DDX60: variants seen among roughly 807,000 people sequenced by gnomAD.
The protein encoded by DDX60 is DExD/H-box helicase 60.
Under a neutral mutation model 212.8 loss-of-function variants are expected in DDX60, and 165 were observed. The observed-to-expected ratio is 0.78, with a 90% confidence interval of 0.68 to 0.88. DDX60 has a LOEUF of 0.88. Among genes scored for constraint, DDX60 ranks in the 40% least tolerant of loss-of-function variants. DDX60 has a pLI of 0.00. For missense variants in DDX60, 1,905 were observed against 2,003.9 expected (o/e 0.95, Z 0.94); for synonymous variants, 703 against 685.3 (o/e 1.03, Z -0.40).
intron 14 of DDX60, among the ~76,000 whole-genome samples, chr4:168,277,731 C>G (rs565056924): frequency 2.0e-5 from 3 of 150,336 alleles, no homozygotes; most frequent in Admixed American, 6.6e-5. Flanking sequence ...ATGGCGTGAA[C>G]CCAGGAGGCA....
chr4:168,232,385 G>T (rs762024497), intron 33 of DDX60, among the ~76,000 whole-genome samples: 23 of 151,722 alleles, frequency 1.5e-4, no homozygotes, highest in Non-Finnish European at 3.1e-4. Context: ...TGGAACCAAA[G>T]AAAAGCCCAT....
chr4:168,297,748 T>C (rs377704645), intron 6 of DDX60, among the ~76,000 whole-genome samples: 1 of 90,734 alleles, frequency 1.1e-5, no homozygotes, highest in Non-Finnish European at 2.2e-5. Context: ...TAATAAAAAT[T>C]AGCCAGGTGT....
rs765054044 is a variant in DDX60 at position 168,273,918 on chromosome 4, G to A, written c.2454+16C>T. The A allele has an allele frequency of 3.7e-6, 6 of 1,608,004 alleles. No individual in the cohort carries two copies. The East Asian group carries it at 1.1e-4, about 30-fold the overall frequency. On this transcript the variant is annotated intron_variant, in intron 17 of 37. Transcript: ENST00000393743. ...TTCAGGAATGAAAGAGAATATTATA[G>A]TCACTTGAGCACTACCTTTGTGGGT...
intron 33 of DDX60, among the ~76,000 whole-genome samples, chr4:168,233,343 C>T (rs534758129): frequency 6.6e-6 from 1 of 152,058 alleles, no homozygotes; most frequent in Non-Finnish European, 1.5e-5. Flanking sequence ...TTTGATCCAG[C>T]AATCCCACTA....
Position 168,284,930 on chromosome 4 carries a change from T to C in DDX60, c.1451A>G (p.Asp484Gly). The change falls in exon 12 of 38, where the codon GAT (aspartate) becomes GGT (glycine). Residue 484 changes from aspartate (D) to glycine (G), a missense_variant. Asp to Gly is a moderately conservative substitution (Grantham distance 94). Coordinates refer to ENST00000393743, the MANE Select transcript of DDX60 (RefSeq NM_017631.6). The part of the protein sequence containing the change: ...LKDLPFLKSD[D>G]PIVTSLVKQK... ...TTTAACCAGTGAAGTAACAATAGGA[T>C]CATCACTGTGAGACAAAAAAAGGCA... 3 of 1,546,970 alleles carry C rather than the reference T, an allele frequency of 1.9e-6. No individual in the cohort carries two copies. The highest frequency in any genetic ancestry group is 2.7e-6 in the Non-Finnish European group (3 of 1,131,790).
intron 26 of DDX60, among the ~76,000 whole-genome samples, chr4:168,255,498 C>T (rs942244044): frequency 2.0e-5 from 3 of 152,140 alleles, no homozygotes; most frequent in Admixed American, 1.3e-4. Context: ...CTCCCAAGTC[C>T]TAAATGAGGC....
chr4:168,289,582 C>G lies in DDX60; in HGVS notation c.1042-1267G>C, dbSNP rs546179842. On this transcript the variant is annotated intron_variant, in intron 8 of 37. Transcript: ENST00000393743. ...AACTTTTATCTCCAGCCCATTCCAC[C>G]CTTCTAAGTCCAAAACATTATTTCA... Among the ~76,000 whole-genome samples the G allele has an allele frequency of 7.9e-5, 12 of 152,246 alleles. 1 individual carries two copies. The highest frequency in any genetic ancestry group is 2.9e-4 in the African/African-American group (12 of 41,542).
intron 26 of DDX60, 44 bp from the exon 27 acceptor site, chr4:168,252,700 T>C (rs767563303): frequency 6.7e-7 from 1 of 1,487,434 alleles, no homozygotes; most frequent in Non-Finnish European, 9.2e-7. Context: ...TTGTAAATAA[T>C]GAATGAAGTA....
chr4:168,283,666 A>G lies in DDX60; in HGVS notation c.1562-60T>C. The G allele has an allele frequency of 3.2e-6, 4 of 1,245,538 alleles. No homozygotes were observed. In the South Asian group the frequency reaches 5.8e-5, roughly 18 times the overall value. The allele number at this position is 1,245,538 out of a possible 1,614,324, so 77.2% of individuals were successfully genotyped here. A position where few individuals can be genotyped will look rare whatever the true frequency, so the allele number is the denominator to read the frequency against. On this transcript the variant is annotated intron_variant, in intron 12 of 37. Coordinates refer to ENST00000393743, the MANE Select transcript of DDX60 (RefSeq NM_017631.6). ...GTAGTTTTTCAATAGCATTCTCATC[A>G]ATTCTTCATATTATTCCACATCCAG...
At chr4:168,232,983 T>C (rs889511383) in intron 33 of DDX60, among the ~76,000 whole-genome samples, 2 of 151,826 alleles carry the variant, frequency 1.3e-5, no homozygotes, top group Admixed American at 1.3e-4. Context: ...ATATTCAGAA[T>C]CTACAAAGAA....
Position 168,276,072 on chromosome 4 carries a change from G to A in DDX60, c.2088C>T (p.Ala696=), listed in dbSNP as rs1461441896. The A allele has an allele frequency of 2.5e-6, 4 of 1,613,604 alleles. No homozygotes were observed. The African/African-American group carries it at 5.3e-5, about 22-fold the overall frequency. The part of the protein sequence containing the change: ...LLQEDDRQLI[A]RCLKYLGFDE... ...CAAATCCTAAATACTTAAGGCATCT[G>A]GCTATGAGTTGCCGATCATCTTCTT... Residue 696 remains alanine, a synonymous_variant, in exon 15 of 38, where the codon GCC becomes GCT. Coordinates refer to ENST00000393743, the MANE Select transcript of DDX60 (RefSeq NM_017631.6).
rs897931394 is a variant in DDX60, at chr4:168,304,606, C to T, written c.606+1773G>A. On this transcript the variant is annotated intron_variant, in intron 5 of 37. Transcript: ENST00000393743. ...ATCCCAGCCACTCGACAGGCTGAGGCGGCAGGATCACTTGAGCCCGAGACG... is the reference window on the plus strand; with the variant it reads ...ATCCCAGCCACTCGACAGGCTGAGGTGGCAGGATCACTTGAGCCCGAGACG... 7.2e-5 allele frequency among the ~76,000 whole-genome samples: 11 copies of T among 152,078 alleles called. No individual in the cohort carries two copies. In the East Asian group the frequency reaches 9.7e-4, roughly 13 times the overall value.
Position 168,252,583 on chromosome 4 carries a change from C to G in DDX60, c.3631G>C (p.Val1211Leu), listed in dbSNP as rs1421726347. The G allele has an allele frequency of 1.8e-5, 29 of 1,613,792 alleles. No homozygotes were observed. Among genetic ancestry groups the G allele is most frequent in the Non-Finnish European group, 2.4e-5 (28 of 1,179,892 alleles). The change falls in exon 27 of 38, where the codon GTG (valine) becomes CTG (leucine). Residue 1211 changes from valine (V) to leucine (L), a missense_variant. Physicochemically the swap from Val to Leu is conservative, Grantham distance 32 (BLOSUM62 1). Coordinates refer to ENST00000393743, the MANE Select transcript of DDX60 (RefSeq NM_017631.6). Reference sequence around the variant, plus strand: ...TCCAGGTTCTTCTCTAGACACTTCACTAGATTATCATGTTCAGCTTCATGT... The same window carrying G: ...TCCAGGTTCTTCTCTAGACACTTCAGTAGATTATCATGTTCAGCTTCATGT... Reference protein sequence around the residue: ...LIHEAEHDNLVKCLEKNLEIP... With the variant: ...LIHEAEHDNLLKCLEKNLEIP...
chr4:168,301,149 T>C (rs1023273642), intron 6 of DDX60, among the ~76,000 whole-genome samples: 24 of 151,796 alleles, frequency 1.6e-4, no homozygotes, highest in African/African-American at 5.8e-4. Context: ...AACAAAAAAG[T>C]GAATATATTG....
Position 168,284,951 on chromosome 4 carries a change from A to T in DDX60, c.1446-16T>A, listed in dbSNP as rs747757103. On this transcript the variant is annotated splice_polypyrimidine_tract_variant and intron_variant, in intron 11 of 37. Coordinates refer to ENST00000393743, the MANE Select transcript of DDX60 (RefSeq NM_017631.6). The stretch of plus-strand genomic sequence containing the variant: ...AGGATCATCACTGTGAGACAAAAAA[A>T]GGCATATTTTAAATTGCACACTTCC... 7.4e-7 allele frequency: 1 copy of T among 1,356,890 alleles called. No homozygotes were observed. Among genetic ancestry groups the T allele is most frequent in the Non-Finnish European group, 1.0e-6 (1 of 973,046 alleles). The allele number at this position is 1,356,890 out of a possible 1,614,324, so 84.1% of individuals were successfully genotyped here.
chr4:168,317,832 C>T (rs1187233773), intron 1 of DDX60, among the ~76,000 whole-genome samples: 1 of 152,148 alleles, frequency 6.6e-6, no homozygotes, highest in East Asian at 1.9e-4. Context: ...AGGGTGAAAT[C>T]TAAAGACATG....
chr4:168,227,938 T>C (rs1018875542), intron 33 of DDX60, among the ~76,000 whole-genome samples: 1 of 152,144 alleles, frequency 6.6e-6, no homozygotes, highest in African/African-American at 2.4e-5. Flanking sequence ...TCTCAGTTTT[T>C]ATACCTAAAG....
rs543212108 is a variant in DDX60 at position 168,284,900 on chromosome 4, T to G, written c.1481A>C (p.Lys494Thr). Residue 494 changes from lysine (K) to threonine (T), a missense_variant, in exon 12 of 38, where the codon AAG (lysine) becomes ACG (threonine). Lys to Thr is a moderately conservative substitution (Grantham distance 78). Transcript: ENST00000393743. ...CCAGTGCACAAGTTCATCAAATTCC[T>G]TTTGTTTAACCAGTGAAGTAACAAT... is the stretch of plus-strand genomic sequence containing the variant. ...DPIVTSLVKQ[K>T]EFDELVHWHS... is the part of the protein sequence containing the mutation. The G allele has an allele frequency of 1.9e-6, 3 of 1,597,610 alleles. No individual in the cohort carries two copies. Among genetic ancestry groups the G allele is most frequent in the Admixed American group, 1.7e-5 (1 of 59,202 alleles).
chr4:168,236,211 G>A (rs774791104), intron 33 of DDX60, 41 bp downstream of exon 33: 24 of 1,581,084 alleles, frequency 1.5e-5, no homozygotes, highest in Non-Finnish European at 1.9e-5. Context: ...TCTATTTAGT[G>A]GTTTTACATT....
Sources: gnomAD v4.1 joint callset for allele counts (sites outside exome capture counted in the v4.1 genomes callset) on GRCh38, gnomAD v4.1.1 for gene constraint, MANE v1.5 for transcripts, NCBI Gene and HGNC (gene_info 2026-07-23, HGNC 2026-07-21) for gene names.